RABGGTA: variants seen among roughly 807,000 people sequenced by gnomAD.
RABGGTA encodes Rab geranylgeranyltransferase subunit alpha.
In RABGGTA, 69 loss-of-function variants were observed where a neutral mutation model predicts 83.3. That is an observed-to-expected ratio of 0.83 (90% confidence interval 0.68 to 1.01). The LOEUF is 1.01. Among genes scored for constraint, RABGGTA ranks in the 50% least tolerant of loss-of-function variants. The probability of loss-of-function intolerance (pLI) is 0.00; values close to 1 mark genes in which losing one functional copy is unlikely to be tolerated. For synonymous variants in RABGGTA, 310 were observed against 299.8 expected, an observed-to-expected ratio of 1.03 and a Z score of -0.35; for missense variants, 681 against 712.7, an observed-to-expected ratio of 0.96 and a Z score of 0.51.
At position 24,266,768 on chromosome 14, in the gene RABGGTA, T is replaced by G. The variant is rs770750440; in HGVS notation, c.1467+8A>C. The G allele has an allele frequency of 1.9e-6, 3 of 1,604,664 alleles. No individual in the cohort carries two copies. The South Asian group carries it at 3.3e-5, about 18-fold the overall frequency. ...CCCGTGACAGGGACGGAGACATGGG[T>G]ACTTTACCTCAAGGCAGCGCAGGGC... On this transcript the variant is annotated splice_region_variant and intron_variant, in intron 15 of 16. Coordinates refer to ENST00000216840, the MANE Select transcript of RABGGTA (RefSeq NM_182836.3).
At position 24,266,461 on chromosome 14, in the gene RABGGTA, G is replaced by A. The variant is rs749550621; in HGVS notation, c.1524C>T (p.Pro508=). ...TGCACAGTAGCAGCTCCTGCAGCCG[G>A]GGTAGGTTGGTGACGCCGTCCAGGG... ...IESLDGVTNL[P]RLQELLLCNN... The change falls in exon 16 of 17, where the codon CCC becomes CCT. Residue 508 remains proline, a synonymous_variant. Coordinates refer to ENST00000216840, the MANE Select transcript of RABGGTA (RefSeq NM_182836.3). 5 of 1,613,884 alleles carry A rather than the reference G, an allele frequency of 3.1e-6. No homozygotes were observed. The highest frequency in any genetic ancestry group is 4.2e-6 in the Non-Finnish European group (5 of 1,179,892).
Position 24,267,642 on chromosome 14 carries a change from A to G in RABGGTA, c.1353+18T>C. On this transcript the variant is annotated intron_variant, in intron 14 of 16. Transcript: ENST00000216840. ...AGCGGGATGAGGGCCAGGGGAAGGC[A>G]TGCATGGCAGCCCATACCTTGTGAG... 6.3e-7 allele frequency: 1 copy of G among 1,598,548 alleles called. No homozygotes were observed. The highest frequency in any genetic ancestry group is 8.5e-7 in the Non-Finnish European group (1 of 1,171,558).
At chr14:24,270,274 A>G (rs2295311) in intron 4 of RABGGTA, 60 bp downstream of exon 4, 163,672 of 1,597,630 alleles carry the variant, frequency 0.1, 13,136 homozygotes, top group East Asian at 0.48. Context: ...CCACCCCTAG[A>G]CCCAGGCAGT....
At chr14:24,269,397 T>C (rs965117653) in intron 6 of RABGGTA, 94 bp downstream of exon 6, 1 of 1,427,244 alleles carries the variant, frequency 7.0e-7, no homozygotes, top group Non-Finnish European at 9.8e-7. Context: ...AGGTGCTCAA[T>C]AAACCTGAGT....
chr14:24,265,702 G>C lies in RABGGTA; in HGVS notation c.1617C>G (p.Asn539Lys). The C allele has an allele frequency of 6.2e-7, 1 of 1,613,084 alleles. No individual in the cohort carries two copies. Among genetic ancestry groups the C allele is most frequent in the Non-Finnish European group, 8.5e-7 (1 of 1,179,578 alleles). ...LASCPRLVLL[N>K]LQGNPLCQAV... ...CTTGGCACAGCGGGTTACCCTGCAG[G>C]TTGAGGAGGACCAGCCTGGGGCAGG... The change falls in exon 17 of 17, where the codon AAC (asparagine) becomes AAG (lysine). Residue 539 changes from asparagine to lysine, a missense_variant. Coordinates refer to ENST00000216840, the MANE Select transcript of RABGGTA (RefSeq NM_182836.3).
Position 24,265,740 on chromosome 14 carries a change from G to A in RABGGTA, c.1579C>T (p.Gln527Ter), listed in dbSNP as rs1351786693. ...AGCCTGGGGCAGGAGGCAAGAGGCTGGAGCACTGCAGGCTGCTGGAGGCCT... is the reference window on the plus strand; with the variant it reads ...AGCCTGGGGCAGGAGGCAAGAGGCTAGAGCACTGCAGGCTGCTGGAGGCCT... ...NNRLQQPAVL[Q>*]PLASCPRLVL... Residue 527 changes from glutamine to a stop codon, truncating the protein, a stop_gained, in exon 17 of 17, where the codon CAG becomes TAG. Coordinates refer to ENST00000216840, the MANE Select transcript of RABGGTA (RefSeq NM_182836.3). LOFTEE classifies it high-confidence loss of function. 1 of 1,611,180 alleles carries A rather than the reference G, an allele frequency of 6.2e-7. No homozygotes were observed. Among genetic ancestry groups the A allele is most frequent in the South Asian group, 1.1e-5 (1 of 90,476 alleles).
Position 24,268,072 on chromosome 14 carries a change from G to A in RABGGTA, c.1147+38C>T, listed in dbSNP as rs2040896549. ...CACACTGGAAAGGGGTTTCCTCAGC[G>A]GGCTCTGGGAGCAGACTCTCACGGA... On this transcript the variant is annotated intron_variant, in intron 12 of 16. Coordinates refer to ENST00000216840, the MANE Select transcript of RABGGTA (RefSeq NM_182836.3). The A allele has an allele frequency of 8.7e-6, 14 of 1,610,402 alleles. No homozygotes were observed. In the East Asian group the frequency reaches 8.9e-5, roughly 10 times the overall value.
chr14:24,270,644 C>A (rs2040935868), intron 3 of RABGGTA, among the ~76,000 whole-genome samples, 186 bp from the exon 4 acceptor site: 1 of 152,214 alleles, frequency 6.6e-6, no homozygotes, highest in Non-Finnish European at 1.5e-5. Flanking sequence ...GCAGTAGGTG[C>A]AATTATTAGC....
At position 24,270,958 on chromosome 14, in the gene RABGGTA, G is replaced by GA; in HGVS notation, c.4-12dup. ...CTTCAGGCGTCCGTGCTACAAGGAT[G>GA]AACGGGTTGGAAGAGTGCAGGTTGC... On this transcript the variant is annotated splice_polypyrimidine_tract_variant and intron_variant, in intron 2 of 16. Transcript: ENST00000216840. 6.2e-7 allele frequency: 1 copy of GA among 1,612,930 alleles called. No homozygotes were observed.
rs777796239 is a variant in RABGGTA at position 24,268,606 on chromosome 14, G to C, written c.914C>G (p.Pro305Arg). ...CAACTGGTCGTTGAGGGAGGCAGCA[G>C]GCAGGTCACAGAGCTGGGAGTACTG... ...RPSHVWLCDLPAASLNDQLPQ... is the reference protein window; with the variant it reads ...RPSHVWLCDLRAASLNDQLPQ... Residue 305 changes from proline (P) to arginine (R), a missense_variant, in exon 10 of 17, where the codon CCT becomes CGT. By Grantham distance (103) the Pro-to-Arg change is moderately radical. Transcript: ENST00000216840. 9.9e-6 allele frequency: 16 copies of C among 1,613,846 alleles called. No homozygotes were observed. The highest frequency in any genetic ancestry group is 4.2e-6 in the Non-Finnish European group (5 of 1,179,866).
chr14:24,265,611 C>A lies in RABGGTA; in HGVS notation c.*4G>T. 6.2e-7 allele frequency: 1 copy of A among 1,613,004 alleles called. No homozygotes were observed. The highest frequency in any genetic ancestry group is 8.5e-7 in the Non-Finnish European group (1 of 1,179,506). ...TAAAGGGCAAGGGTAGGGGGCAGGG[C>A]CTCTTAGGTGAGGACGCTGCTAACT... On this transcript the variant is annotated 3_prime_UTR_variant, in exon 17 of 17. Transcript: ENST00000216840.
intron 6 of RABGGTA, 51 bp from the exon 7 acceptor site, chr14:24,269,214 C>A: frequency 6.6e-7 from 1 of 1,512,630 alleles, no homozygotes; most frequent in South Asian, 1.2e-5. Context: ...TGGTGAGCTC[C>A]TGGCCACTCC....
At chr14:24,270,592 C>T in intron 3 of RABGGTA, 134 bp from the exon 4 acceptor site, 1 of 1,234,100 alleles carries the variant, frequency 8.1e-7, no homozygotes. Flanking sequence ...TGCTTTATGG[C>T]CTTACAGGTA....
At position 24,268,034 on chromosome 14, in the gene RABGGTA, G is replaced by A. The variant is rs549921741; in HGVS notation, c.1147+76C>T. 951 of 1,600,888 alleles carry A rather than the reference G, an allele frequency of 5.9e-4. 2 individuals carry two copies. Among genetic ancestry groups the A allele is most frequent in the Middle Eastern group, 2.3e-3 (13 of 5,750 alleles). ...CCCATCCTCCTGAGGCCTTCCTGCT[G>A]TCCTCTCAGGGCCACACTGGAAAGG... On this transcript the variant is annotated intron_variant, in intron 12 of 16. Transcript: ENST00000216840.
intron 15 of RABGGTA, 75 bp downstream of exon 15, chr14:24,266,701 G>T: frequency 7.2e-7 from 1 of 1,395,478 alleles, no homozygotes; most frequent in Non-Finnish European, 1.0e-6. Flanking sequence ...TCTCCTTGTA[G>T]GATGGGCAGA....
At position 24,268,193 on chromosome 14, in the gene RABGGTA, T is replaced by C; in HGVS notation, c.1064A>G (p.Glu355Gly). The C allele has an allele frequency of 1.5e-6, 1 of 657,418 alleles. No individual in the cohort carries two copies. The highest frequency in any genetic ancestry group is 2.7e-6 in the Non-Finnish European group (1 of 375,388). 40.7% of individuals were successfully genotyped at this position (657,418 alleles called of 1,614,324 possible). A position where few individuals can be genotyped will look rare whatever the true frequency, so the allele number is the denominator to read the frequency against. Reference sequence around the variant, plus strand: ...CACTGTGGACTTCTCCACTGACAGCTCACACCTGAGGGTGGGCAGGGTGGG... The same window carrying C: ...CACTGTGGACTTCTCCACTGACAGCCCACACCTGAGGGTGGGCAGGGTGGG... ...STTDEQLFRCELSVEKSTVLQ... is the reference protein window; with the variant it reads ...STTDEQLFRCGLSVEKSTVLQ... Residue 355 changes from glutamate (E) to glycine (G), a missense_variant, in exon 12 of 17, where the codon GAG becomes GGG. Around this residue, in one of 5 missense-constraint regions of RABGGTA, gnomAD observed 421 missense variants for 418.5 expected, o/e 1.01. Coordinates refer to ENST00000216840, the MANE Select transcript of RABGGTA (RefSeq NM_182836.3).
At chr14:24,266,670 C>A (rs780342486) in intron 15 of RABGGTA, 106 bp downstream of exon 15, 16 of 1,253,652 alleles carry the variant, frequency 1.3e-5, no homozygotes, top group Admixed American at 1.8e-5. Flanking sequence ...GTTACCTGTT[C>A]GGGGTGGAGG....
rs758513161 is a variant in RABGGTA, at chr14:24,269,957, C to T, written c.423G>A (p.Arg141=). ...LCARFLEVDE[R]NFHCWDYRRF... is the part of the protein sequence containing the mutation. ...ACAGAATCTGCAGCCACGTACAGTT[C>T]CGCTCATCCACCTCCAGGAAACGGG... Residue 141 remains arginine (R), a synonymous_variant, in exon 5 of 17, where the codon CGG becomes CGA. Transcript: ENST00000216840. 1.2e-6 allele frequency: 2 copies of T among 1,613,192 alleles called. No individual in the cohort carries two copies. Among genetic ancestry groups the T allele is most frequent in the Non-Finnish European group, 1.7e-6 (2 of 1,179,706 alleles).
chr14:24,270,590 G>A (rs574946434), intron 3 of RABGGTA, 132 bp from the exon 4 acceptor site: 15 of 1,232,096 alleles, frequency 1.2e-5, no homozygotes, highest in Middle Eastern at 3.9e-4. Flanking sequence ...CATGCTTTAT[G>A]GCCTTACAGG....
Sources: gnomAD v4.1 joint callset for allele counts (sites outside exome capture counted in the v4.1 genomes callset) on GRCh38, gnomAD v4.1.1 for gene constraint, gnomAD v4.1.1 regional missense constraint, MANE v1.5 for transcripts, NCBI Gene and HGNC (gene_info 2026-07-23, HGNC 2026-07-21) for gene names.